The following LYSMD2 variants were observed in gnomAD, a reference collection of about 807,000 sequenced individuals.
LYSMD2 encodes the protein LysM domain containing 2, also known as lysM and putative peptidoglycan-binding domain-containing protein 2.
In LYSMD2, 6 loss-of-function variants were observed where a neutral mutation model predicts 17.7. The observed-to-expected ratio is 0.34, with a 90% CI of 0.19 to 0.67. The LOEUF is 0.67. LYSMD2 is among the 30% of genes least tolerant of loss of function. The pLI is 0.69. For missense variants in LYSMD2, 237 were observed against 286.7 expected (o/e 0.83, Z 1.25); for synonymous variants, 102 against 129.8 (o/e 0.79, Z 1.45).
upstream of LYSMD2, among the ~76,000 whole-genome samples, chr15:51,739,663 C>T (rs936302338): frequency 2.6e-5 from 4 of 152,156 alleles, no homozygotes; most frequent in Non-Finnish European, 4.4e-5. Flanking sequence ...CTGAGCCAGG[C>T]GCAGTGGCCC....
At chr15:51,723,777 T>A in intron 2 of LYSMD2, 128 bp from the exon 3 acceptor site, 1 of 586,136 alleles carries the variant, frequency 1.7e-6, no homozygotes, top group Non-Finnish European at 2.9e-6. Flanking sequence ...TGTGCATGCC[T>A]AGACAACTGT....
chr15:51,743,477 AT>A (rs1207690641), intron 1 of LYSMD2, among the ~76,000 whole-genome samples: 1 of 152,208 alleles, frequency 6.6e-6, no homozygotes, highest in African/African-American at 2.4e-5. Context: ...ATACTGTTCC[AT>A]TGATCTATTT....
At chr15:51,727,433 T>C (rs1484514803) in intron 1 of LYSMD2, among the ~76,000 whole-genome samples, 1 of 152,226 alleles carries the variant, frequency 6.6e-6, no homozygotes, top group African/African-American at 2.4e-5. Context: ...AGGGGTAATG[T>C]CTCCCTGCTA....
At chr15:51,729,521 C>T (rs1242172716) in intron 1 of LYSMD2, among the ~76,000 whole-genome samples, 1 of 152,242 alleles carries the variant, frequency 6.6e-6, no homozygotes, top group Admixed American at 6.5e-5. Context: ...TGCAGTGGCA[C>T]GATCTCGGCT....
At position 51,724,904 on chromosome 15, in the gene LYSMD2, G is replaced by A. The variant is rs7168775; in HGVS notation, c.491C>T (p.Ser164Phe). 2,950 of 1,614,116 alleles carry A rather than the reference G, an allele frequency of 1.8e-3. 48 individuals carry two copies. In the African/African-American group the frequency reaches 0.035, roughly 19 times the overall value. Residue 164 changes from serine to phenylalanine, a missense_variant, in exon 2 of 3, where the codon TCT (serine) becomes TTT (phenylalanine). Ser to Phe is a radical substitution (Grantham distance 155). Coordinates refer to ENST00000267838, the MANE Select transcript of LYSMD2 (RefSeq NM_153374.3). ...CTCAGGCTGCACAGGCTGAACATCA[G>A]ATTCTTGAGGACTGGGAGGAGGGAG... is the stretch of plus-strand genomic sequence containing the variant. ...EDLPPPSPQE[S>F]DVQPVQPEEV... is the part of the protein sequence containing the mutation.
upstream of LYSMD2, among the ~76,000 whole-genome samples, chr15:51,741,864 G>A (rs1004904446): frequency 6.6e-6 from 1 of 151,728 alleles, no homozygotes; most frequent in Non-Finnish European, 1.5e-5. Context: ...AGGTTACAGT[G>A]ACCCGAGATA....
At chr15:51,747,041 A>T (rs891060795) in intron 1 of LYSMD2, among the ~76,000 whole-genome samples, 6 of 150,584 alleles carry the variant, frequency 4.0e-5, no homozygotes, top group Non-Finnish European at 8.9e-5. Context: ...AAAAAAAAAA[A>T]ATACGAAAAT....
chr15:51,739,441 A>C (rs2055632477), upstream of LYSMD2, among the ~76,000 whole-genome samples: 1 of 152,230 alleles, frequency 6.6e-6, no homozygotes, highest in African/African-American at 2.4e-5. Context: ...TGCCATGCAT[A>C]AACTTTTGGG....
intron 1 of LYSMD2, among the ~76,000 whole-genome samples, chr15:51,747,629 A>G (rs755114134): frequency 1.5e-4 from 23 of 152,142 alleles, no homozygotes; most frequent in Admixed American, 9.2e-4. Context: ...ACATTTTGTT[A>G]TTTGTCTCTT....
intron 1 of LYSMD2, among the ~76,000 whole-genome samples, chr15:51,729,685 C>T (rs749126088): frequency 4.6e-5 from 7 of 152,230 alleles, no homozygotes; most frequent in Non-Finnish European, 7.3e-5. Context: ...GTCTTGATCT[C>T]CTGACCTTGT....
chr15:51,741,338 A>T (rs1486905018), upstream of LYSMD2, among the ~76,000 whole-genome samples: 1 of 152,256 alleles, frequency 6.6e-6, no homozygotes, highest in Non-Finnish European at 1.5e-5. Context: ...TCCCTGTCTT[A>T]TACTACACAT....
intron 1 of LYSMD2, among the ~76,000 whole-genome samples, chr15:51,728,368 G>A (rs1444261271): frequency 6.0e-5 from 9 of 150,710 alleles, no homozygotes; most frequent in Admixed American, 5.3e-4. Context: ...GCACTGAGCC[G>A]AGATCACAAC....
intron 1 of LYSMD2, among the ~76,000 whole-genome samples, chr15:51,747,835 C>CGATTTAAT (rs2055675812): frequency 6.6e-6 from 1 of 152,190 alleles, no homozygotes. Flanking sequence ...ACTACACATA[C>CGATTTAAT]GATTTAATTC....
chr15:51,723,233 C>T lies in LYSMD2; in HGVS notation c.*374G>A. 1 of 181,554 alleles carries T rather than the reference C, an allele frequency of 5.5e-6. No individual in the cohort carries two copies. The highest frequency in any genetic ancestry group is 1.1e-4 in the South Asian group (1 of 9,478). 11.2% of individuals were successfully genotyped at this position (181,554 alleles called of 1,614,324 possible). A position where few individuals can be genotyped will look rare whatever the true frequency, so the allele number is the denominator to read the frequency against. On this transcript the variant is annotated 3_prime_UTR_variant, in exon 3 of 3. Transcript: ENST00000267838. ...CACAGCAAATTCAGCATCACTTAAACAGCAACCATATTTTCACATAATCAG... is the reference window on the plus strand; with the variant it reads ...CACAGCAAATTCAGCATCACTTAAATAGCAACCATATTTTCACATAATCAG...
intron 1 of LYSMD2, among the ~76,000 whole-genome samples, chr15:51,727,269 C>T (rs181880376): frequency 2.6e-5 from 4 of 152,280 alleles, no homozygotes; most frequent in Admixed American, 2.6e-4. Flanking sequence ...TTACCCAGGT[C>T]CCCTTGTCCT....
chr15:51,745,258 G>A (rs905452171), intron 1 of LYSMD2, among the ~76,000 whole-genome samples: 8 of 152,106 alleles, frequency 5.3e-5, no homozygotes, highest in African/African-American at 1.7e-4. Flanking sequence ...ATTTTATAGT[G>A]CCAGTATTAC....
At position 51,737,323 on chromosome 15, in the gene LYSMD2, C is replaced by G; in HGVS notation, c.273+27G>C. ...GCCTCCTGCGCGGTAGCTGCCAGCC[C>G]GGGCCGCGGCGGCGCGCCCTGCTCA... On this transcript the variant is annotated intron_variant, in intron 1 of 2. Coordinates refer to ENST00000267838, the MANE Select transcript of LYSMD2 (RefSeq NM_153374.3). The surrounding 1 kb of genome is among the most constrained non-coding windows in gnomAD (Gnocchi z 4.2). 1.5e-6 allele frequency: 2 copies of G among 1,320,860 alleles called. No individual in the cohort carries two copies. Among genetic ancestry groups the G allele is most frequent in the Non-Finnish European group, 1.9e-6 (2 of 1,036,878 alleles). The allele number at this position is 1,320,860 out of a possible 1,614,324, so 81.8% of individuals were successfully genotyped here.
chr15:51,724,313 A>G (rs1201469922), intron 2 of LYSMD2, among the ~76,000 whole-genome samples: 1 of 152,214 alleles, frequency 6.6e-6, no homozygotes, highest in Non-Finnish European at 1.5e-5. Flanking sequence ...AACAAATAAC[A>G]GACAATGTCT....
At chr15:51,739,135 C>A (rs561476861), upstream of LYSMD2, among the ~76,000 whole-genome samples, 1 of 151,802 alleles carries the variant, frequency 6.6e-6, no homozygotes, top group Admixed American at 6.5e-5. Context: ...TTCCCACCTG[C>A]CCAACTGTTA....
Sources: gnomAD v4.1 joint callset for allele counts (sites outside exome capture counted in the v4.1 genomes callset) on GRCh38, gnomAD v4.1.1 for gene constraint, Gnocchi (gnomAD v3.1) non-coding constraint, MANE v1.5 for transcripts, NCBI Gene and HGNC (gene_info 2026-07-23, HGNC 2026-07-21) for gene names.